Variants in MYH2 observed in about 807,000 individuals in gnomAD.
MYH2 encodes myosin heavy chain 2, also known as myosin-2.
A neutral mutation model predicts 228.1 loss-of-function variants in MYH2; 139 were observed. That is an observed-to-expected ratio of 0.61 (90% CI 0.53 to 0.70). The LOEUF is 0.70. MYH2 is among the 30% of genes least tolerant of loss of function. MYH2 has a pLI of 0.00. For missense variants in MYH2, 1,809 were observed against 2,357.5 expected, an observed-to-expected ratio of 0.77 and a Z score of 4.82; for synonymous variants, 796 against 871.1, an observed-to-expected ratio of 0.91 and a Z score of 1.52.
rs865829200 is a variant in MYH2 at position 10,522,545 on chromosome 17, A to C, written c.5673+545T>G. Among the ~76,000 whole-genome samples, 58 of 151,988 alleles carry C rather than the reference A, an allele frequency of 3.8e-4. 1 individual carries two copies. Among genetic ancestry groups the C allele is most frequent in the Admixed American group, 9.8e-4 (15 of 15,266 alleles). ...ATTTTTAACAGTACTTCTTACTTCT[A>C]CTGTTTTATTATTATTTATAATTTA... On this transcript the variant is annotated intron_variant, in intron 39 of 39. Transcript: ENST00000245503.
In MYH2 at chr17:10,533,302, C is replaced by T. The variant is rs368299112; in HGVS notation, c.2424G>A (p.Gln808=). The T allele has an allele frequency of 1.2e-6, 2 of 1,614,072 alleles. No homozygotes were observed. The highest frequency in any genetic ancestry group is 1.7e-6 in the Non-Finnish European group (2 of 1,180,022). ...TTTTATACCTTCTCTCCACCATCCT[C>T]TGGTACTCCACTCTTGCCAAGAACC... The part of the protein sequence containing the change: ...CRGFLARVEY[Q]RMVERREAIF... Residue 808 remains glutamine, a synonymous_variant, in exon 21 of 40, where the codon CAG becomes CAA. Transcript: ENST00000245503.
Position 10,529,564 on chromosome 17 carries a change from A to G in MYH2, c.3117T>C (p.Asp1039=), listed in dbSNP as rs1158331976. 1 of 1,614,206 alleles carries G rather than the reference A, an allele frequency of 6.2e-7. No individual in the cohort carries two copies. The highest frequency in any genetic ancestry group is 8.5e-7 in the Non-Finnish European group (1 of 1,180,034). Residue 1039 remains aspartate, a splice_region_variant and synonymous_variant, in exon 24 of 40, where the codon GAT becomes GAC. Coordinates refer to ENST00000245503, the MANE Select transcript of MYH2 (RefSeq NM_017534.6). ...ATGTCCTTGATGATACCAGACTTAC[A>G]TCATCCACTTGTTGTTCAAGTTTGA... The part of the protein sequence containing the change: ...AKIKLEQQVD[D]LEGSLEQEKK...
Position 10,537,538 on chromosome 17 carries a change from A to G in MYH2, c.1592T>C (p.Met531Thr), listed in dbSNP as rs1597454647. ...AACIELIEKP[M>T]GIFSILEEEC... ...CTCTTCCAGGATGGAGAAGATGCCC[A>G]TAGGCTAAAAAGCAGACCACAACAC... is the stretch of plus-strand genomic sequence containing the variant. The change falls in exon 16 of 40, where the codon ATG (methionine) becomes ACG (threonine). Residue 531 changes from methionine (M) to threonine (T), a missense_variant. Physicochemically the swap from Met to Thr is moderately conservative, Grantham distance 81 (BLOSUM62 -1). Coordinates refer to ENST00000245503, the MANE Select transcript of MYH2 (RefSeq NM_017534.6). The surrounding 1 kb of genome is among the most constrained non-coding windows in gnomAD (Gnocchi z 4.0). The G allele has an allele frequency of 2.5e-6, 4 of 1,614,204 alleles. No individual in the cohort carries two copies. The highest frequency in any genetic ancestry group is 3.4e-6 in the Non-Finnish European group (4 of 1,180,022).
At chr17:10,529,132 G>A (rs745754663) in intron 26 of MYH2, 30 bp downstream of exon 26, 15 of 1,614,146 alleles carry the variant, frequency 9.3e-6, no homozygotes, top group East Asian at 2.2e-5. Context: ...AACTGCCTCC[G>A]AGCCAGACTG....
chr17:10,545,302 T>C (rs2073613460), intron 5 of MYH2, 44 bp downstream of exon 5: 1 of 1,612,086 alleles, frequency 6.2e-7, no homozygotes, highest in Admixed American at 1.7e-5. Flanking sequence ...CCTATGGTTC[T>C]GCTCTAAAGG....
In MYH2 at chr17:10,545,331, A is replaced by G; in HGVS notation, c.505+15T>C. On this transcript the variant is annotated intron_variant, in intron 5 of 39. Transcript: ENST00000245503. ...CTAAAGGTTTACGCACTTGCAAAGCATTCGGCTCACTCACCAGTCAGCATG... is the reference window on the plus strand; with the variant it reads ...CTAAAGGTTTACGCACTTGCAAAGCGTTCGGCTCACTCACCAGTCAGCATG... 3 of 1,613,044 alleles carry G rather than the reference A, an allele frequency of 1.9e-6. No homozygotes were observed. The highest frequency in any genetic ancestry group is 2.5e-6 in the Non-Finnish European group (3 of 1,179,848).
chr17:10,529,885 G>A lies in MYH2; in HGVS notation c.2887C>T (p.Leu963Phe), dbSNP rs1336819956. The A allele has an allele frequency of 3.1e-6, 5 of 1,613,342 alleles. No individual in the cohort carries two copies. Among genetic ancestry groups the A allele is most frequent in the Non-Finnish European group, 3.4e-6 (4 of 1,179,532 alleles). ...TCAACCTTGGCCAGTGTCAGCTCAA[G>A]GTCATCAATGTCTTTCTTGAGTTCT... ...CSELKKDIDD[L>F]ELTLAKVEKE... The change falls in exon 23 of 40, where the codon CTT becomes TTT. Residue 963 changes from leucine (L) to phenylalanine (F), a missense_variant. Leu to Phe is a conservative substitution (Grantham distance 22, BLOSUM62 0). Transcript: ENST00000245503.
intron 19 of MYH2, among the ~76,000 whole-genome samples, chr17:10,534,003 C>T (rs2073454600): frequency 6.6e-6 from 1 of 152,220 alleles, no homozygotes; most frequent in South Asian, 2.1e-4. Context: ...ATTTGGTAGA[C>T]AGTACACTTT....
chr17:10,525,205 T>G lies in MYH2; in HGVS notation c.4662+19A>C, dbSNP rs759241520. The G allele has an allele frequency of 6.2e-7, 1 of 1,614,082 alleles. No homozygotes were observed. The highest frequency in any genetic ancestry group is 2.2e-5 in the East Asian group (1 of 44,882). ...AATTATTTTCCAGATTTTTTTATAA[T>G]GCACAATTTTACATGTACCTCTGCT... On this transcript the variant is annotated intron_variant, in intron 33 of 39. Coordinates refer to ENST00000245503, the MANE Select transcript of MYH2 (RefSeq NM_017534.6). The surrounding 1 kb of genome is among the most constrained non-coding windows in gnomAD (Gnocchi z 4.2).
Position 10,537,954 on chromosome 17 carries a change from A to C in MYH2, c.1417-119T>G. 1 of 1,536,942 alleles carries C rather than the reference A, an allele frequency of 6.5e-7. No homozygotes were observed. The highest frequency in any genetic ancestry group is 8.8e-7 in the Non-Finnish European group (1 of 1,131,226). On this transcript the variant is annotated intron_variant, in intron 14 of 39. Transcript: ENST00000245503. This position sits in a 1 kb window ranked among gnomAD's most constrained non-coding sequence, Gnocchi z 4.0. ...CCTTTATATTACAGATATTAAAATC[A>C]CTGGGTTAAAGAGACTTTGAAATAA...
chr17:10,535,508 C>T, intron 17 of MYH2, 143 bp from the exon 18 acceptor site: 1 of 743,348 alleles, frequency 1.3e-6, no homozygotes, highest in Non-Finnish European at 2.4e-6. Flanking sequence ...TTGAATGCTT[C>T]TTCTGAGATG....
Position 10,529,208 on chromosome 17 carries a change from T to C in MYH2, c.3308A>G (p.Glu1103Gly), listed in dbSNP as rs139295564. 6.2e-7 allele frequency: 1 copy of C among 1,614,276 alleles called. No homozygotes were observed. Among genetic ancestry groups the C allele is most frequent in the Non-Finnish European group, 8.5e-7 (1 of 1,180,052 alleles). Residue 1103 changes from glutamate to glycine, a missense_variant, in exon 26 of 40, where the codon GAA (glutamate) becomes GGA (glycine). Transcript: ENST00000245503. ...ISNLQSKIED[E>G]QALGIQLQKK... The stretch of plus-strand genomic sequence containing the variant: ...CTGCAATTGAATGCCAAGTGCCTGT[T>C]CATCTTCAATCTTGCTTTGCAGATT...
At chr17:10,522,377 A>C (rs2073294724) in intron 39 of MYH2, among the ~76,000 whole-genome samples, 1 of 152,064 alleles carries the variant, frequency 6.6e-6, no homozygotes, top group Non-Finnish European at 1.5e-5. Flanking sequence ...TCTCATTTCT[A>C]ATGTTGTTTA....
chr17:10,541,841 A>G (rs1028916825), intron 10 of MYH2, among the ~76,000 whole-genome samples: 24 of 152,168 alleles, frequency 1.6e-4, no homozygotes, highest in Admixed American at 1.6e-3. Flanking sequence ...ATAACATTGA[A>G]TTATTGGGGG....
At position 10,547,817 on chromosome 17, in the gene MYH2, T is replaced by C. The variant is rs1289552065; in HGVS notation, c.104A>G (p.Lys35Arg). Residue 35 changes from lysine (K) to arginine (R), a missense_variant, in exon 3 of 40, where the codon AAA becomes AGA. By Grantham distance (26) the Lys-to-Arg change is conservative. Transcript: ENST00000245503. ...IEAQNRPFDAKTSVFVAEPKE... is the reference protein window; with the variant it reads ...IEAQNRPFDARTSVFVAEPKE... ...GGGCTCCGCCACAAAGACAGATGTT[T>C]TGGCATCAAAGGGCCTATTCTGGGC... is the stretch of plus-strand genomic sequence containing the variant. 5.6e-6 allele frequency: 9 copies of C among 1,614,216 alleles called. No individual in the cohort carries two copies. The highest frequency in any genetic ancestry group is 8.5e-7 in the Non-Finnish European group (1 of 1,180,036).
At position 10,523,609 on chromosome 17, in the gene MYH2, G is replaced by T. The variant is rs140762786; in HGVS notation, c.5359C>A (p.Arg1787=). The T allele has an allele frequency of 6.2e-7, 1 of 1,614,144 alleles. No individual in the cohort carries two copies. Among genetic ancestry groups the T allele is most frequent in the Non-Finnish European group, 8.5e-7 (1 of 1,180,042 alleles). Residue 1787 remains arginine, a synonymous_variant, in exon 37 of 40, where the codon CGG becomes AGG. Transcript: ENST00000245503. ...KEQDTSAHLE[R]MKKNMEQTVK... ...GTCTGCTCCATGTTCTTCTTCATCC[G>T]CTCCAGGTGGGCGCTGGTGTCCTGC...
Position 10,527,615 on chromosome 17 carries a change from C to T in MYH2, c.3871+133G>A, listed in dbSNP as rs569582034. ...TCCCAAGATGACCTTGCACATAGGTCAGGTGTCTGAGCTGTTCAGTGAATC... is the reference window on the plus strand; with the variant it reads ...TCCCAAGATGACCTTGCACATAGGTTAGGTGTCTGAGCTGTTCAGTGAATC... On this transcript the variant is annotated intron_variant, in intron 28 of 39. Transcript: ENST00000245503. 9.4e-6 allele frequency: 13 copies of T among 1,387,728 alleles called. 1 individual carries two copies. In the Admixed American group the frequency reaches 1.3e-4, roughly 14 times the overall value. The allele number at this position is 1,387,728 out of a possible 1,614,324, so 86.0% of individuals were successfully genotyped here. A position where few individuals can be genotyped will look rare whatever the true frequency, so the allele number is the denominator to read the frequency against.
intron 5 of MYH2, 122 bp downstream of exon 5, chr17:10,545,224 A>G: frequency 6.3e-7 from 1 of 1,575,878 alleles, no homozygotes; most frequent in Non-Finnish European, 8.7e-7. Flanking sequence ...CTCCTTCATA[A>G]ATACACCAGC....
Position 10,527,086 on chromosome 17 carries a change from T to G in MYH2, c.3872-30A>C, listed in dbSNP as rs1315284835. ...TGGACAAAAGAAATGGCACCATTTT[T>G]TAGGTGAAAAACAAGATTCTGCAAG... On this transcript the variant is annotated intron_variant, in intron 28 of 39. Coordinates refer to ENST00000245503, the MANE Select transcript of MYH2 (RefSeq NM_017534.6). The G allele has an allele frequency of 2.5e-5, 40 of 1,595,610 alleles. 1 individual carries two copies. In the Admixed American group the frequency reaches 6.7e-4, roughly 27 times the overall value.
Sources: allele counts gnomAD v4.1 joint callset (sites outside exome capture counted in the v4.1 genomes callset), GRCh38; gene constraint gnomAD v4.1.1; non-coding constraint Gnocchi (gnomAD v3.1); transcripts MANE v1.5; gene names NCBI Gene and HGNC (gene_info 2026-07-23, HGNC 2026-07-21).